The following ATP6V1A variants were observed in gnomAD, a reference collection of about 807,000 sequenced individuals.
The protein encoded by ATP6V1A is ATPase H+ transporting V1 subunit A.
Under a neutral mutation model 70.1 loss-of-function variants are expected in ATP6V1A, and 18 were observed. The ratio of observed to expected loss-of-function variants is 0.26; its 90% CI spans 0.18 to 0.38. The LOEUF is 0.38. ATP6V1A is among the 10% of genes least tolerant of loss of function. The pLI, the probability that ATP6V1A is intolerant of heterozygous loss-of-function variation, is 1.00. For synonymous variants in ATP6V1A, 232 were observed against 253.8 expected (o/e 0.91, Z 0.82); for missense variants, 424 against 772.4 (o/e 0.55, Z 5.35).
intron 1 of ATP6V1A, among the ~76,000 whole-genome samples, chr3:113,770,669 ACT>A (rs1708828549): frequency 6.6e-6 from 1 of 151,338 alleles, no homozygotes; most frequent in South Asian, 2.1e-4. Flanking sequence ...GCAGACTGAG[ACT>A]CTGTCTTAAA....
At chr3:113,772,271 A>T (rs1708850345) in intron 1 of ATP6V1A, among the ~76,000 whole-genome samples, 1 of 152,222 alleles carries the variant, frequency 6.6e-6, no homozygotes, top group South Asian at 2.1e-4. Flanking sequence ...GCTGTTAGTT[A>T]TTCAGTAATC....
At chr3:113,753,481 A>G (rs1708612236) in intron 1 of ATP6V1A, among the ~76,000 whole-genome samples, 1 of 152,170 alleles carries the variant, frequency 6.6e-6, no homozygotes, top group African/African-American at 2.4e-5. Flanking sequence ...AGTTTACAGG[A>G]GTGTTAGCTG....
intron 14 of ATP6V1A, among the ~76,000 whole-genome samples, chr3:113,805,895 CA>C (rs1709270877): frequency 6.6e-6 from 1 of 152,140 alleles, no homozygotes; most frequent in Admixed American, 6.6e-5. Flanking sequence ...GTAAAACTTG[CA>C]GTTATTTTCA....
At chr3:113,787,777 CATT>C (rs1476262612) in intron 6 of ATP6V1A, among the ~76,000 whole-genome samples, 2 of 152,184 alleles carry the variant, frequency 1.3e-5, no homozygotes, top group East Asian at 1.9e-4. Context: ...AAACCGATAT[CATT>C]ATTTTTGCAC....
At chr3:113,786,891 G>T (rs563595184) in intron 6 of ATP6V1A, among the ~76,000 whole-genome samples, 3 of 151,396 alleles carry the variant, frequency 2.0e-5, no homozygotes, top group African/African-American at 7.3e-5. Context: ...TCCTCCTCCT[G>T]CCTCACCCTC....
At chr3:113,772,644 C>T (rs1236220199) in intron 1 of ATP6V1A, among the ~76,000 whole-genome samples, 2 of 150,576 alleles carry the variant, frequency 1.3e-5, no homozygotes, top group Non-Finnish European at 2.9e-5. Flanking sequence ...TGGAGAATGG[C>T]GTGAACCTGG....
At chr3:113,795,988 G>A (rs373966733) in intron 11 of ATP6V1A, 49 bp downstream of exon 11, 47 of 1,452,374 alleles carry the variant, frequency 3.2e-5, no homozygotes, top group Middle Eastern at 1.8e-4. Flanking sequence ...CCTCCTCTCT[G>A]CAGCCCCTGC....
intron 1 of ATP6V1A, among the ~76,000 whole-genome samples, chr3:113,766,253 A>G (rs1225343919): frequency 3.3e-5 from 5 of 150,952 alleles, no homozygotes; most frequent in Admixed American, 6.6e-5. Context: ...GTATCCTCAC[A>G]TGGTAGAGAG....
At chr3:113,791,477 G>T (rs1709091589) in intron 8 of ATP6V1A, among the ~76,000 whole-genome samples, 1 of 148,386 alleles carries the variant, frequency 6.7e-6, no homozygotes, top group African/African-American at 2.5e-5. Context: ...CTTCTCTTCT[G>T]TCTTTTTCCT....
chr3:113,756,831 G>C (rs1486691152), intron 1 of ATP6V1A, among the ~76,000 whole-genome samples: 2 of 152,200 alleles, frequency 1.3e-5, no homozygotes, highest in African/African-American at 4.8e-5. Flanking sequence ...TAGTTAAATA[G>C]TGAATCAGAT....
chr3:113,802,343 T>A (rs941638329), intron 12 of ATP6V1A, among the ~76,000 whole-genome samples: 17 of 152,326 alleles, frequency 1.1e-4, no homozygotes, highest in African/African-American at 3.6e-4. Context: ...TTAATTAATT[T>A]ATTTATTTGA....
chr3:113,781,566 A>T (rs1261358075), intron 3 of ATP6V1A, among the ~76,000 whole-genome samples: 1 of 152,184 alleles, frequency 6.6e-6, no homozygotes, highest in Non-Finnish European at 1.5e-5. Flanking sequence ...GGAAGCAGCA[A>T]AGCAGCAACA....
chr3:113,802,581 C>CCT (rs1709226398), intron 12 of ATP6V1A, among the ~76,000 whole-genome samples: 1 of 152,178 alleles, frequency 6.6e-6, no homozygotes, highest in South Asian at 2.1e-4. Flanking sequence ...CCCACCTTGG[C>CCT]CTCCCAAAGT....
chr3:113,779,023 A>G, intron 2 of ATP6V1A, 188 bp downstream of exon 2: 1 of 384,732 alleles, frequency 2.6e-6, no homozygotes, highest in Non-Finnish European at 4.7e-6. Flanking sequence ...AGCATTGATT[A>G]TCTAAATTTT....
At chr3:113,783,565 G>A (rs1367752538) in intron 3 of ATP6V1A, among the ~76,000 whole-genome samples, 6 of 152,240 alleles carry the variant, frequency 3.9e-5, no homozygotes, top group African/African-American at 1.2e-4. Flanking sequence ...TCTGTTTTTA[G>A]CCCTGTGGTT....
chr3:113,804,283 C>A (rs906388716), intron 13 of ATP6V1A, among the ~76,000 whole-genome samples: 2 of 151,956 alleles, frequency 1.3e-5, no homozygotes, highest in Non-Finnish European at 2.9e-5. Context: ...TGAGCCAACA[C>A]GCCTGTCTTC....
chr3:113,762,507 G>T (rs1708716288), intron 1 of ATP6V1A, among the ~76,000 whole-genome samples: 3 of 152,062 alleles, frequency 2.0e-5, no homozygotes, highest in Admixed American at 2.0e-4. Context: ...CGTGGAGGTT[G>T]CAGTGAGCCG....
chr3:113,808,096 C>T (rs1362684598), intron 14 of ATP6V1A, among the ~76,000 whole-genome samples: 1 of 149,466 alleles, frequency 6.7e-6, no homozygotes, highest in Non-Finnish European at 1.5e-5. Flanking sequence ...CACCATTGCA[C>T]TCCAGCCTGG....
In ATP6V1A at chr3:113,809,974, T is replaced by C. The variant is rs1300002207; in HGVS notation, c.*547T>C. 6.6e-6 allele frequency: 1 copy of C among 152,220 alleles called. No individual in the cohort carries two copies. The highest frequency in any genetic ancestry group is 1.9e-4 in the East Asian group (1 of 5,202). The allele number at this position is 152,220 out of a possible 1,614,324, so 9.4% of individuals were successfully genotyped here. A position where few individuals can be genotyped will look rare whatever the true frequency, so the allele number is the denominator to read the frequency against. The stretch of plus-strand genomic sequence containing the variant: ...TCCAATTATGCATCACTTCCCCCAG[T>C]ATAAATCAGGAATGTTTGTGAGAAA... On this transcript the variant is annotated 3_prime_UTR_variant, in exon 15 of 15. Transcript: ENST00000273398.
Sources: allele counts gnomAD v4.1 joint callset (sites outside exome capture counted in the v4.1 genomes callset), GRCh38; gene constraint gnomAD v4.1.1; transcripts MANE v1.5; gene names NCBI Gene and HGNC (gene_info 2026-07-23, HGNC 2026-07-21).